ZFHX3: variants seen among roughly 807,000 people sequenced by gnomAD.
ZFHX3 encodes the protein zinc finger homeobox protein 3.
In ZFHX3, 42 loss-of-function variants were observed where a neutral mutation model predicts 279.1. That is an observed-to-expected ratio of 0.15 (90% CI 0.12 to 0.19). The LOEUF is 0.19. ZFHX3 is among the 10% of genes least tolerant of loss of function. The probability of loss-of-function intolerance (pLI) is 1.00; values close to 1 mark genes in which losing one functional copy is unlikely to be tolerated. For missense variants in ZFHX3, 4,981 were observed against 4,754.0 expected, an observed-to-expected ratio of 1.05 and a Z score of -1.40; for synonymous variants, 2,293 against 1,957.8, an observed-to-expected ratio of 1.17 and a Z score of -4.52.
chr16:72,951,730 C>G (rs1961010487), intron 2 of ZFHX3, among the ~76,000 whole-genome samples: 1 of 152,216 alleles, frequency 6.6e-6, no homozygotes, highest in African/African-American at 2.4e-5. Flanking sequence ...CAGAATTGGG[C>G]CCAGAATGTA....
chr16:73,514,482 T>C (rs982400934), intron 2 of ZFHX3, among the ~76,000 whole-genome samples: 1 of 152,168 alleles, frequency 6.6e-6, no homozygotes, highest in Non-Finnish European at 1.5e-5. Flanking sequence ...TTATTATTAT[T>C]ATTACTTTAT....
At chr16:73,857,858 G>T (rs1172663603) in intron 1 of ZFHX3, among the ~76,000 whole-genome samples, 1 of 152,150 alleles carries the variant, frequency 6.6e-6, no homozygotes, top group Non-Finnish European at 1.5e-5. Flanking sequence ...TATCATCCCA[G>T]CACTTTGGGA....
intron 4 of ZFHX3, among the ~76,000 whole-genome samples, chr16:72,849,069 G>T (rs1042656447): frequency 6.6e-6 from 1 of 152,024 alleles, no homozygotes; most frequent in African/African-American, 2.4e-5. Flanking sequence ...AATGAAGCCC[G>T]GGGGTGGGGG....
chr16:73,472,453 A>G (rs1456415701), intron 2 of ZFHX3, among the ~76,000 whole-genome samples: 1 of 152,164 alleles, frequency 6.6e-6, no homozygotes, highest in African/African-American at 2.4e-5. Context: ...GTTCACTGCC[A>G]AAAAGCTCCA....
intron 8 of ZFHX3, among the ~76,000 whole-genome samples, chr16:73,087,095 A>G (rs1966018985): frequency 6.6e-6 from 1 of 152,202 alleles, no homozygotes; most frequent in Non-Finnish European, 1.5e-5. Context: ...AGGTACAACT[A>G]TTATTTATCA....
At chr16:72,930,752 C>A (rs573081876) in intron 3 of ZFHX3, among the ~76,000 whole-genome samples, 5 of 151,896 alleles carry the variant, frequency 3.3e-5, no homozygotes, top group Non-Finnish European at 7.4e-5. Context: ...TGTACATTGC[C>A]AAAATAAGGA....
At position 72,920,940 on chromosome 16, in the gene ZFHX3, T is replaced by C. The variant is rs532658646; in HGVS notation, c.3216+29529A>G. On this transcript the variant is annotated intron_variant, in intron 3 of 9. Transcript: ENST00000268489. The stretch of plus-strand genomic sequence containing the variant: ...TAAAATAATTAGCCAGGCATGGTGG[T>C]GTATGCCTGTATTCCTAGCCACTTG... 8.1e-4 allele frequency among the ~76,000 whole-genome samples: 122 copies of C among 151,504 alleles called. 1 individual carries two copies. Among genetic ancestry groups the C allele is most frequent in the Middle Eastern group, 3.4e-3 (1 of 294 alleles).
At chr16:73,009,976 G>A (rs1010477205) in intron 1 of ZFHX3, among the ~76,000 whole-genome samples, 2 of 147,430 alleles carry the variant, frequency 1.4e-5, no homozygotes, top group African/African-American at 5.1e-5. Flanking sequence ...AGCCGAGATT[G>A]CATCACTGCA....
intron 4 of ZFHX3, among the ~76,000 whole-genome samples, chr16:73,311,228 C>A (rs1051209802): frequency 1.3e-5 from 2 of 151,450 alleles, no homozygotes; most frequent in African/African-American, 4.9e-5. Context: ...AGAGAGACTT[C>A]GTCTCCCTCC....
chr16:73,881,929 T>C (rs936981549), intron 1 of ZFHX3, among the ~76,000 whole-genome samples: 105 of 152,174 alleles, frequency 6.9e-4, no homozygotes, highest in African/African-American at 1.9e-3. Flanking sequence ...TTGCTTCATA[T>C]AGAGGGATTT....
At chr16:72,946,800 G>C (rs753943007) in intron 3 of ZFHX3, among the ~76,000 whole-genome samples, 51 of 152,350 alleles carry the variant, frequency 3.3e-4, no homozygotes, top group Non-Finnish European at 1.6e-4. Context: ...TACGGGTGGA[G>C]AAGATTGAGA....
chr16:72,917,232 C>A (rs4788487), intron 3 of ZFHX3, among the ~76,000 whole-genome samples: 1,830 of 152,236 alleles, frequency 0.012, 17 homozygotes, highest in Non-Finnish European at 0.02. Context: ...CAGAGCAACA[C>A]CCTGTCTCAA....
intron 3 of ZFHX3, among the ~76,000 whole-genome samples, chr16:73,454,844 CTT>C (rs2018344531): frequency 6.6e-6 from 1 of 151,482 alleles, no homozygotes; most frequent in Non-Finnish European, 1.5e-5. Flanking sequence ...ATATTCAAGA[CTT>C]TTCCATCATT....
intron 1 of ZFHX3, among the ~76,000 whole-genome samples, chr16:73,797,414 C>A (rs395809): frequency 6.6e-6 from 1 of 151,948 alleles, no homozygotes; most frequent in South Asian, 2.1e-4. Flanking sequence ...TGGAACTGCA[C>A]AAAGCAACAA....
chr16:73,467,024 G>A (rs901894730), intron 2 of ZFHX3, among the ~76,000 whole-genome samples: 2 of 152,154 alleles, frequency 1.3e-5, no homozygotes, highest in African/African-American at 4.8e-5. Flanking sequence ...CCCTAAGGAT[G>A]GGACAAAGGG....
At chr16:72,971,052 C>T (rs553899834) in intron 1 of ZFHX3, among the ~76,000 whole-genome samples, 1 of 152,178 alleles carries the variant, frequency 6.6e-6, no homozygotes, top group Non-Finnish European at 1.5e-5. Flanking sequence ...TTCCTCTGCA[C>T]GTTTACAGAT....
intron 2 of ZFHX3, among the ~76,000 whole-genome samples, chr16:73,482,026 GC>G (rs1478456692): frequency 1.3e-5 from 2 of 152,140 alleles, no homozygotes; most frequent in Non-Finnish European, 2.9e-5. Context: ...CATATCAGAG[GC>G]CCTTTGACAT....
chr16:72,885,033 C>T (rs1296461462), intron 4 of ZFHX3, among the ~76,000 whole-genome samples: 1 of 152,226 alleles, frequency 6.6e-6, no homozygotes, highest in East Asian at 1.9e-4. Context: ...GGAACCTCAC[C>T]TGGTTAGTTA....
At chr16:73,082,950 G>T (rs900355135) in intron 8 of ZFHX3, among the ~76,000 whole-genome samples, 1 of 151,506 alleles carries the variant, frequency 6.6e-6, no homozygotes, top group Non-Finnish European at 1.5e-5. Flanking sequence ...TTGGGAGGCC[G>T]AGGTGGACGG....
Sources: allele counts gnomAD v4.1 joint callset (sites outside exome capture counted in the v4.1 genomes callset), GRCh38; gene constraint gnomAD v4.1.1; transcripts MANE v1.5; gene names NCBI Gene and HGNC (gene_info 2026-07-23, HGNC 2026-07-21).